Variants in GARS1 observed in about 807,000 individuals in gnomAD.
GARS1 encodes the protein glycyl-tRNA synthetase 1.
In GARS1, 46 loss-of-function variants were observed where a neutral mutation model predicts 86.4. The observed-to-expected ratio is 0.53, with a 90% confidence interval of 0.42 to 0.68. The LOEUF is 0.68. GARS1 is among the 30% of genes least tolerant of loss of function. The probability of loss-of-function intolerance (pLI) is 0.00; values close to 1 mark genes in which losing one functional copy is unlikely to be tolerated. For synonymous variants in GARS1, 342 were observed against 329.8 expected (o/e 1.04, Z -0.40); for missense variants, 797 against 915.6 (o/e 0.87, Z 1.67).
Position 30,633,896 on chromosome 7 carries a change from T to TAAAA in GARS1, c.*48_*51dup. The stretch of plus-strand genomic sequence containing the variant: ...GACAACTTTTGACCACTTGCGCTAA[T>TAAAA]AAAAAAAAAAAAAAACTACTCTTAT... On this transcript the variant is annotated 3_prime_UTR_variant, in exon 17 of 17. Coordinates refer to ENST00000389266, the MANE Select transcript of GARS1 (RefSeq NM_002047.4). The TAAAA allele has an allele frequency of 7.6e-6, 10 of 1,316,592 alleles. No individual in the cohort carries two copies. The Admixed American group carries it at 8.3e-5, about 11-fold the overall frequency. 81.6% of individuals were successfully genotyped at this position (1,316,592 alleles called of 1,614,324 possible).
In GARS1 at chr7:30,609,662, T is replaced by C; in HGVS notation, c.813T>C (p.Asp271=). ...YNVKSPITGN[D]LSPPVSFNLM... ...TAAAATCTCCCATTACTGGAAATGA[T>C]CTATCCCCTCCAGTGTCTTTTAACT... Residue 271 remains aspartate (D), a synonymous_variant, in exon 7 of 17, where the codon GAT becomes GAC. Coordinates refer to ENST00000389266, the MANE Select transcript of GARS1 (RefSeq NM_002047.4). The C allele has an allele frequency of 6.2e-7, 1 of 1,613,442 alleles. No individual in the cohort carries two copies. Among genetic ancestry groups the C allele is most frequent in the Non-Finnish European group, 8.5e-7 (1 of 1,179,434 alleles).
In GARS1 at chr7:30,632,966, C is replaced by T. The variant is rs1051655828; in HGVS notation, c.2094+529C>T. 6.6e-6 allele frequency among the ~76,000 whole-genome samples: 1 copy of T among 152,214 alleles called. No individual in the cohort carries two copies. The highest frequency in any genetic ancestry group is 2.4e-5 in the African/African-American group (1 of 41,438). On this transcript the variant is annotated intron_variant, in intron 16 of 16. Transcript: ENST00000389266. The surrounding 1 kb of genome is among the most constrained non-coding windows in gnomAD (Gnocchi z 4.1). ...AAAGAGTAGCTGCTTTAATTGACATCTGCCTGCCTAATTTATCACCTTTGA... is the reference window on the plus strand; with the variant it reads ...AAAGAGTAGCTGCTTTAATTGACATTTGCCTGCCTAATTTATCACCTTTGA...
At chr7:30,614,871 CAAAAAAA>C (rs60532382) in intron 8 of GARS1, among the ~76,000 whole-genome samples, 2 of 81,564 alleles carry the variant, frequency 2.5e-5, no homozygotes, top group East Asian at 7.3e-4. Context: ...GACTCCGTCT[CAAAAAAA>C]AAAAAAAAAA....
intron 6 of GARS1, among the ~76,000 whole-genome samples, chr7:30,604,692 GT>G (rs1791448312): frequency 2.6e-5 from 4 of 152,002 alleles, no homozygotes; most frequent in African/African-American, 2.4e-5. Context: ...GAAGCTCATT[GT>G]TTTAGTAATT....
chr7:30,598,545 C>T (rs1158554530), intron 1 of GARS1, among the ~76,000 whole-genome samples: 2 of 151,938 alleles, frequency 1.3e-5, no homozygotes, highest in African/African-American at 4.8e-5. Flanking sequence ...CCCACCACCA[C>T]GGCCGGCTAA....
In GARS1 at chr7:30,596,885, A is replaced by G. The variant is rs77536553; in HGVS notation, c.222+1742A>G. Among the ~76,000 whole-genome samples the G allele has an allele frequency of 7.0e-3, 1,067 of 152,334 alleles. 8 individuals carry two copies. Among genetic ancestry groups the G allele is most frequent in the Middle Eastern group, 0.014 (4 of 294 alleles). ...ACACTGTCACCCCTATCCATTTTGG[A>G]TAACTCCATTGTGAAGTGCAATTGA... On this transcript the variant is annotated intron_variant, in intron 1 of 16. Coordinates refer to ENST00000389266, the MANE Select transcript of GARS1 (RefSeq NM_002047.4).
chr7:30,597,271 G>C (rs562149552), intron 1 of GARS1, among the ~76,000 whole-genome samples: 15 of 152,284 alleles, frequency 9.9e-5, no homozygotes, highest in African/African-American at 3.1e-4. Context: ...AGGTATTGGT[G>C]AAAGAGCCAT....
At chr7:30,612,445 AC>A (rs1782778810) in intron 8 of GARS1, among the ~76,000 whole-genome samples, 200 bp downstream of exon 8, 1 of 152,200 alleles carries the variant, frequency 6.6e-6, no homozygotes, top group Non-Finnish European at 1.5e-5. Context: ...ACAAAAGTGA[AC>A]TTGAAGGGAA....
Position 30,622,477 on chromosome 7 carries a change from G to A in GARS1, c.1613+15G>A, listed in dbSNP as rs775226299. On this transcript the variant is annotated intron_variant, in intron 12 of 16. Transcript: ENST00000389266. Reference sequence around the variant, plus strand: ...AATGAGAAAGGGTAAGATATCAGATGTTTACTCTTCCATGGGCTCCAGTCA... The same window carrying A: ...AATGAGAAAGGGTAAGATATCAGATATTTACTCTTCCATGGGCTCCAGTCA... 6 of 1,613,810 alleles carry A rather than the reference G, an allele frequency of 3.7e-6. No homozygotes were observed. The highest frequency in any genetic ancestry group is 1.7e-4 in the Middle Eastern group (1 of 6,060).
chr7:30,606,140 C>A (rs1325227892), intron 6 of GARS1, among the ~76,000 whole-genome samples: 1 of 151,996 alleles, frequency 6.6e-6, no homozygotes, highest in Non-Finnish European at 1.5e-5. Context: ...GAAGCTTGAC[C>A]AGGTATTTTT....
intron 14 of GARS1, 62 bp from the exon 15 acceptor site, chr7:30,631,386 T>G (rs551478390): frequency 2.3e-6 from 3 of 1,295,902 alleles, no homozygotes; most frequent in Non-Finnish European, 3.4e-6. Context: ...TGGTTTGGGA[T>G]ATTAGCATTT....
chr7:30,629,888 G>T (rs544115891), intron 14 of GARS1, among the ~76,000 whole-genome samples: 2 of 152,282 alleles, frequency 1.3e-5, no homozygotes, highest in Admixed American at 1.3e-4. Context: ...AGCTTTGTCT[G>T]CTTATTTTTC....
chr7:30,595,273 G>T, intron 1 of GARS1, 130 bp downstream of exon 1: 2 of 937,094 alleles, frequency 2.1e-6, no homozygotes, highest in Non-Finnish European at 3.3e-6. Flanking sequence ...TCATCCTCTG[G>T]CGTCTTCTTC....
chr7:30,600,874 C>T (rs952001066), intron 3 of GARS1, among the ~76,000 whole-genome samples, 185 bp from the exon 4 acceptor site: 2 of 151,994 alleles, frequency 1.3e-5, no homozygotes, highest in Non-Finnish European at 2.9e-5. Flanking sequence ...TAGTAAATGG[C>T]GTAAGAGCTT....
In GARS1 at chr7:30,599,930, T is replaced by TTTAATCTCTACCTGG; in HGVS notation, c.325-17_325-16insTTAATCTCTACCTGG. ...CCCACCCCTCCACTCACTCACTTTTTATTTAATCTCTAACAGGAGCTGGCG... is the reference window on the plus strand; with the variant it reads ...CCCACCCCTCCACTCACTCACTTTTTTTAATCTCTACCTGGATTTAATCTCTAACAGGAGCTGGCG... On this transcript the variant is annotated splice_polypyrimidine_tract_variant and intron_variant, in intron 2 of 16. Transcript: ENST00000389266. 6.3e-7 allele frequency: 1 copy of TTTAATCTCTACCTGG among 1,582,392 alleles called. No homozygotes were observed. The highest frequency in any genetic ancestry group is 1.1e-5 in the South Asian group (1 of 90,138).
chr7:30,621,991 A>T, intron 11 of GARS1: 1 of 389,726 alleles, frequency 2.6e-6, no homozygotes. Context: ...TAGGTCAGTG[A>T]CAGGAAATAG....
chr7:30,616,284 T>C (rs1782888680), intron 9 of GARS1, among the ~76,000 whole-genome samples: 1 of 152,174 alleles, frequency 6.6e-6, no homozygotes, highest in Non-Finnish European at 1.5e-5. Flanking sequence ...AAAAAAAATG[T>C]TTAGCAGAGC....
At chr7:30,615,598 T>C (rs1019904370) in intron 8 of GARS1, among the ~76,000 whole-genome samples, 11 of 152,232 alleles carry the variant, frequency 7.2e-5, no homozygotes, top group Non-Finnish European at 1.5e-4. Flanking sequence ...ATGTTTATTT[T>C]AAATAGTGAG....
At chr7:30,612,361 G>GGAGAAAACAAAAATAAA in intron 8 of GARS1, 116 bp downstream of exon 8, 1 of 1,033,786 alleles carries the variant, frequency 9.7e-7, no homozygotes, top group Non-Finnish European at 1.5e-6. Context: ...ATTTATTTTT[G>GGAGAAAACAAAAATAAA]TTTTCTCCAA....
Sources: gnomAD v4.1 joint callset for allele counts (sites outside exome capture counted in the v4.1 genomes callset) on GRCh38, gnomAD v4.1.1 for gene constraint, Gnocchi (gnomAD v3.1) non-coding constraint, MANE v1.5 for transcripts, NCBI Gene and HGNC (gene_info 2026-07-23, HGNC 2026-07-21) for gene names.